Variants in TPD52L1 observed in about 807,000 individuals in gnomAD.
The protein encoded by TPD52L1 is tumor protein D53.
In TPD52L1, 18 loss-of-function variants were observed where a neutral mutation model predicts 28.7. The observed-to-expected ratio is 0.63, with a 90% confidence interval of 0.43 to 0.93. The LOEUF (loss-of-function observed/expected upper bound fraction) is 0.93. Ranked by LOEUF, TPD52L1 falls within the 40% of genes least tolerant of loss-of-function variation. The pLI is 0.00. For synonymous variants in TPD52L1, 75 were observed against 88.8 expected (o/e 0.84, Z 0.88); for missense variants, 203 against 254.8 (o/e 0.80, Z 1.39).
At chr6:125,231,763 T>C (rs1024785273) in intron 3 of TPD52L1, among the ~76,000 whole-genome samples, 2 of 152,138 alleles carry the variant, frequency 1.3e-5, no homozygotes, top group African/African-American at 4.8e-5. Flanking sequence ...GGCCTTTGAC[T>C]TGGGCTACTG....
At chr6:125,191,015 C>T (rs1287292267) in intron 1 of TPD52L1, among the ~76,000 whole-genome samples, 1 of 152,218 alleles carries the variant, frequency 6.6e-6, no homozygotes, top group Admixed American at 6.5e-5. Flanking sequence ...ACCATCTACT[C>T]TTGTTGTCTT....
intron 1 of TPD52L1, among the ~76,000 whole-genome samples, chr6:125,189,166 A>G (rs1467437756): frequency 3.3e-5 from 5 of 152,250 alleles, no homozygotes; most frequent in South Asian, 2.1e-4. Context: ...AGGCTTTAAA[A>G]GAATAAGCTA....
chr6:125,167,719 A>G (rs1359099399), intron 1 of TPD52L1, among the ~76,000 whole-genome samples: 4 of 152,166 alleles, frequency 2.6e-5, no homozygotes, highest in African/African-American at 9.7e-5. Context: ...TGCACTTTAC[A>G]GGTCCTCCTA....
chr6:125,225,670 A>G (rs926652817), intron 2 of TPD52L1, among the ~76,000 whole-genome samples: 1 of 152,180 alleles, frequency 6.6e-6, no homozygotes, highest in Non-Finnish European at 1.5e-5. Flanking sequence ...TTAAAAGGAA[A>G]AGATATATTA....
intron 6 of TPD52L1, among the ~76,000 whole-genome samples, chr6:125,258,454 G>T (rs3778455): frequency 6.6e-6 from 1 of 152,014 alleles, no homozygotes. Flanking sequence ...AAAATGAAAG[G>T]CTCAAAAATC....
rs1220947660 is a variant in TPD52L1 at position 125,236,902 on chromosome 6, CT to C, written c.284+7640del. On this transcript the variant is annotated intron_variant, in intron 3 of 6. Transcript: ENST00000534000. ...GCCTTGACTAGACAGAAAGAGGTTG[CT>C]TTTACAGTCTTCTCAAGGGTGCAGG... 2.0e-5 allele frequency among the ~76,000 whole-genome samples: 3 copies of C among 152,292 alleles called. No individual in the cohort carries two copies. In the East Asian group the frequency reaches 5.8e-4, roughly 29 times the overall value.
chr6:125,234,923 T>A (rs1402300315), intron 3 of TPD52L1, among the ~76,000 whole-genome samples: 4 of 151,798 alleles, frequency 2.6e-5, no homozygotes, highest in Non-Finnish European at 4.4e-5. Context: ...TGAAACTGCA[T>A]CTTTACAAAA....
intron 2 of TPD52L1, among the ~76,000 whole-genome samples, chr6:125,225,643 T>C (rs1795561061): frequency 6.6e-6 from 1 of 152,208 alleles, no homozygotes; most frequent in Admixed American, 6.5e-5. Flanking sequence ...TAATTTGCAA[T>C]GCAGAAATAA....
chr6:125,238,124 A>C (rs1336160084), intron 3 of TPD52L1, among the ~76,000 whole-genome samples: 1 of 152,222 alleles, frequency 6.6e-6, no homozygotes, highest in Admixed American at 6.5e-5. Flanking sequence ...CCAAGACACT[A>C]CATTTACATC....
rs1243531762 is a variant in TPD52L1, at chr6:125,253,956, T to C, written c.425+201T>C. On this transcript the variant is annotated intron_variant, in intron 5 of 6. Coordinates refer to ENST00000534000, the MANE Select transcript of TPD52L1 (RefSeq NM_003287.4). ...GACATCCTGGCTTAAATCTAGTCTT[T>C]CCTGTGTGATCCAAGACAAGTGACT... 1.7e-5 allele frequency: 13 copies of C among 752,668 alleles called. 1 individual carries two copies. The highest frequency in any genetic ancestry group is 1.6e-4 in the South Asian group (12 of 73,458). 46.6% of individuals were successfully genotyped at this position (752,668 alleles called of 1,614,324 possible).
intron 2 of TPD52L1, chr6:125,221,934 G>C (rs1242097135): frequency 2.0e-5 from 3 of 152,180 alleles, no homozygotes; most frequent in African/African-American, 7.2e-5. Context: ...GCTGCCAAAG[G>C]TAGCGTCGTG....
chr6:125,221,346 A>C (rs746851040), intron 2 of TPD52L1, among the ~76,000 whole-genome samples: 17 of 152,106 alleles, frequency 1.1e-4, no homozygotes, highest in Non-Finnish European at 2.2e-4. Flanking sequence ...TAATGGACTG[A>C]CTCCACATAT....
chr6:125,248,407 A>AACGG, intron 4 of TPD52L1, 24 bp downstream of exon 4: 1 of 1,585,282 alleles, frequency 6.3e-7, no homozygotes, highest in Non-Finnish European at 8.7e-7. Flanking sequence ...ATACCATGGG[A>AACGG]ACGGCGCTAA....
At chr6:125,228,566 C>G (rs142087731) in intron 2 of TPD52L1, among the ~76,000 whole-genome samples, 16 of 152,248 alleles carry the variant, frequency 1.1e-4, no homozygotes, top group Admixed American at 1.0e-3. Context: ...TGAGACCAGG[C>G]GTGGTGGCTC....
chr6:125,154,014 G>C, intron 1 of TPD52L1, 44 bp downstream of exon 1: 1 of 1,582,140 alleles, frequency 6.3e-7, no homozygotes. Context: ...CCTGGGGCGC[G>C]CATAAAGGCT....
At chr6:125,202,651 A>G (rs952673424) in intron 1 of TPD52L1, among the ~76,000 whole-genome samples, 3 of 152,164 alleles carry the variant, frequency 2.0e-5, no homozygotes, top group Admixed American at 1.3e-4. Context: ...ATGAGCTTGA[A>G]TTCAGAATAA....
chr6:125,221,867 C>A (rs1392489882), intron 2 of TPD52L1: 1 of 152,158 alleles, frequency 6.6e-6, no homozygotes, highest in African/African-American at 2.4e-5. Context: ...TTTGCACTAG[C>A]CTCCATGCTT....
chr6:125,258,131 T>C (rs1175569803), intron 6 of TPD52L1, among the ~76,000 whole-genome samples: 2 of 152,206 alleles, frequency 1.3e-5, no homozygotes, highest in African/African-American at 2.4e-5. Flanking sequence ...CAGGTGCTCT[T>C]GTGGATTTTG....
At chr6:125,177,746 A>C (rs1206643995) in intron 1 of TPD52L1, among the ~76,000 whole-genome samples, 1 of 152,220 alleles carries the variant, frequency 6.6e-6, no homozygotes, top group Admixed American at 6.5e-5. Context: ...TTTTAAGTGA[A>C]GCTTGCAAGT....
Sources: allele counts gnomAD v4.1 joint callset (sites outside exome capture counted in the v4.1 genomes callset), GRCh38; gene constraint gnomAD v4.1.1; transcripts MANE v1.5; gene names NCBI Gene and HGNC (gene_info 2026-07-23, HGNC 2026-07-21).